GBE1: variants seen among roughly 807,000 people sequenced by gnomAD.
GBE1 encodes 1,4-alpha-glucan branching enzyme 1, also known as 1,4-alpha-glucan-branching enzyme.
Under a neutral mutation model 88.8 loss-of-function variants are expected in GBE1, and 70 were observed. The ratio of observed to expected loss-of-function variants is 0.79; its 90% CI spans 0.65 to 0.96. The LOEUF is 0.96. Among genes scored for constraint, GBE1 ranks in the 40% least tolerant of loss-of-function variants. The probability of loss-of-function intolerance (pLI) is 0.00; values close to 1 mark genes in which losing one functional copy is unlikely to be tolerated. For missense variants in GBE1, 872 were observed against 871.0 expected (o/e 1.00, Z -0.01); for synonymous variants, 284 against 300.1 (o/e 0.95, Z 0.56).
intron 1 of GBE1, among the ~76,000 whole-genome samples, chr3:81,748,578 T>C (rs1005433980): frequency 3.3e-5 from 5 of 152,098 alleles, no homozygotes; most frequent in Non-Finnish European, 5.9e-5. Flanking sequence ...GCCACTGCAC[T>C]CCAGCCTGGG....
At chr3:81,603,873 AT>A (rs1225769309) in intron 7 of GBE1, among the ~76,000 whole-genome samples, 1 of 152,204 alleles carries the variant, frequency 6.6e-6, no homozygotes, top group Non-Finnish European at 1.5e-5. Context: ...AATTTGAATG[AT>A]TTTACTATAT....
At chr3:81,634,249 A>G (rs1250461184) in intron 7 of GBE1, among the ~76,000 whole-genome samples, 1 of 152,214 alleles carries the variant, frequency 6.6e-6, no homozygotes, top group Admixed American at 6.5e-5. Context: ...TTTCAATCGT[A>G]TTATTTTATG....
intron 14 of GBE1, among the ~76,000 whole-genome samples, chr3:81,510,830 G>A (rs1277637337): frequency 1.3e-5 from 2 of 152,060 alleles, no homozygotes; most frequent in Non-Finnish European, 2.9e-5. Context: ...TTCTGAAGCT[G>A]TAATGTACAA....
chr3:81,645,758 T>C (rs1463710591), intron 6 of GBE1, among the ~76,000 whole-genome samples: 2 of 152,228 alleles, frequency 1.3e-5, no homozygotes, highest in Non-Finnish European at 1.5e-5. Flanking sequence ...CTGATTATAG[T>C]TCCCTGTCAT....
chr3:81,560,775 G>A (rs1703405280), intron 12 of GBE1, among the ~76,000 whole-genome samples: 1 of 151,856 alleles, frequency 6.6e-6, no homozygotes, highest in South Asian at 2.1e-4. Flanking sequence ...TTTCTGGGTT[G>A]TTTCTCTTAT....
intron 2 of GBE1, among the ~76,000 whole-genome samples, chr3:81,683,170 C>T (rs927994686): frequency 6.6e-6 from 1 of 152,098 alleles, no homozygotes; most frequent in Admixed American, 6.5e-5. Context: ...ATAATGGTTG[C>T]ACAACTATTT....
chr3:81,706,229 G>C (rs1705773902), intron 1 of GBE1, among the ~76,000 whole-genome samples: 1 of 152,114 alleles, frequency 6.6e-6, no homozygotes, highest in Admixed American at 6.6e-5. Context: ...TTGGCCTGCA[G>C]CCTTTTCCTT....
chr3:81,616,587 T>G (rs1394371675), intron 7 of GBE1, among the ~76,000 whole-genome samples: 1 of 152,158 alleles, frequency 6.6e-6, no homozygotes, highest in African/African-American at 2.4e-5. Context: ...CACACAGTCT[T>G]GATTACTATA....
At chr3:81,515,260 C>T (rs2106836850) in intron 14 of GBE1, among the ~76,000 whole-genome samples, 1 of 151,470 alleles carries the variant, frequency 6.6e-6, no homozygotes, top group South Asian at 2.1e-4. Context: ...GTAGTTCTTG[C>T]ATTATTTCAA....
At chr3:81,738,745 T>C (rs1706309229) in intron 1 of GBE1, among the ~76,000 whole-genome samples, 1 of 152,164 alleles carries the variant, frequency 6.6e-6, no homozygotes, top group South Asian at 2.1e-4. Context: ...AGTCTTTACA[T>C]GGATTATCCC....
chr3:81,575,140 G>C (rs1484114275), intron 12 of GBE1, among the ~76,000 whole-genome samples: 1 of 151,194 alleles, frequency 6.6e-6, no homozygotes, highest in African/African-American at 2.4e-5. Context: ...ACTCCAGCCT[G>C]GGCGACAGGG....
chr3:81,658,343 T>C (rs1323058356), intron 3 of GBE1, among the ~76,000 whole-genome samples: 1 of 151,974 alleles, frequency 6.6e-6, no homozygotes, highest in Non-Finnish European at 1.5e-5. Context: ...CACCAATGTA[T>C]AGAACAAAAA....
chr3:81,713,852 CAAGG>C (rs747020852), intron 1 of GBE1, among the ~76,000 whole-genome samples: 1 of 152,066 alleles, frequency 6.6e-6, no homozygotes, highest in Non-Finnish European at 1.5e-5. Flanking sequence ...GCAAAGGTGA[CAAGG>C]AATAGTGAAA....
At chr3:81,619,421 A>G (rs957416905) in intron 7 of GBE1, among the ~76,000 whole-genome samples, 5 of 152,170 alleles carry the variant, frequency 3.3e-5, no homozygotes, top group Non-Finnish European at 7.4e-5. Flanking sequence ...TATTTCACAT[A>G]TATTAAGGGT....
Position 81,627,890 on chromosome 3 carries a change from G to A in GBE1, c.992+14891C>T, listed in dbSNP as rs371592799. ...TAACTTCAAACTCTTGGCCTCAAGC[G>A]ATCCTCCCACCTAAGCCTCCAAAGC... On this transcript the variant is annotated intron_variant, in intron 7 of 15. Coordinates refer to ENST00000429644, the MANE Select transcript of GBE1 (RefSeq NM_000158.4). Among the ~76,000 whole-genome samples the A allele has an allele frequency of 2.6e-5, 4 of 151,808 alleles. No individual in the cohort carries two copies. In the South Asian group the frequency reaches 6.2e-4, roughly 24 times the overall value.
At chr3:81,544,043 A>G (rs1703173885) in intron 12 of GBE1, among the ~76,000 whole-genome samples, 1 of 152,102 alleles carries the variant, frequency 6.6e-6, no homozygotes, top group Non-Finnish European at 1.5e-5. Context: ...TTCAGAGGAG[A>G]GAAATGTGTT....
At chr3:81,607,764 C>T (rs1354561587) in intron 7 of GBE1, among the ~76,000 whole-genome samples, 1 of 152,124 alleles carries the variant, frequency 6.6e-6, no homozygotes, top group African/African-American at 2.4e-5. Flanking sequence ...AAAATGTCAT[C>T]CATTATGCAA....
chr3:81,662,396 T>A lies in GBE1; in HGVS notation c.429+8442A>T, dbSNP rs141084599. On this transcript the variant is annotated intron_variant, in intron 3 of 15. Coordinates refer to ENST00000429644, the MANE Select transcript of GBE1 (RefSeq NM_000158.4). ...ATATCTTTATAAACTTAAGTTAATC[T>A]CACTCAAATCATTGAAGGCTTCCAT... 2.8e-4 allele frequency among the ~76,000 whole-genome samples: 43 copies of A among 152,274 alleles called. No individual in the cohort carries two copies. The East Asian group carries it at 7.5e-3, about 27-fold the overall frequency.
intron 12 of GBE1, among the ~76,000 whole-genome samples, chr3:81,568,743 T>C (rs143736082): frequency 1.1e-3 from 175 of 152,294 alleles, no homozygotes; most frequent in Middle Eastern, 6.8e-3. Flanking sequence ...TTAAAAAATA[T>C]TGTGTGTCTG....
Sources: allele counts gnomAD v4.1 joint callset (sites outside exome capture counted in the v4.1 genomes callset), GRCh38; gene constraint gnomAD v4.1.1; transcripts MANE v1.5; gene names NCBI Gene and HGNC (gene_info 2026-07-23, HGNC 2026-07-21).